The following FAM3B variants were observed in gnomAD, a reference collection of about 807,000 sequenced individuals.
FAM3B encodes FAM3 metabolism regulating signaling molecule B.
In FAM3B, 29 loss-of-function variants were observed where a neutral mutation model predicts 28.4. The observed-to-expected ratio is 1.02, with a 90% CI of 0.76 to 1.39. The LOEUF (loss-of-function observed/expected upper bound fraction) is 1.39. Among genes scored for constraint, FAM3B ranks in the 40% most tolerant of loss-of-function variants. The pLI is 0.00. For missense variants in FAM3B, 266 were observed against 293.9 expected (o/e 0.91, Z 0.69); for synonymous variants, 91 against 103.0 (o/e 0.88, Z 0.71).
chr21:41,310,148 C>G (rs997265813), intron 1 of FAM3B, among the ~76,000 whole-genome samples: 1 of 152,148 alleles, frequency 6.6e-6, no homozygotes, highest in Admixed American at 6.5e-5. Context: ...TCTCTTGGTT[C>G]TCTTGCTCCA....
At chr21:41,356,154 A>C (rs2089165877) in intron 7 of FAM3B, among the ~76,000 whole-genome samples, 1 of 151,910 alleles carries the variant, frequency 6.6e-6, no homozygotes, top group South Asian at 2.1e-4. Flanking sequence ...CTACTAGCTA[A>C]ATTTACATTT....
chr21:41,306,906 C>T (rs2088685748), intron 1 of FAM3B, among the ~76,000 whole-genome samples: 2 of 152,212 alleles, frequency 1.3e-5, no homozygotes, highest in East Asian at 1.9e-4. Flanking sequence ...ACCCCTTCCT[C>T]CTTCCCATTT....
chr21:41,352,472 AG>A (rs1271329993), intron 7 of FAM3B, among the ~76,000 whole-genome samples: 1 of 152,084 alleles, frequency 6.6e-6, no homozygotes, highest in Non-Finnish European at 1.5e-5. Flanking sequence ...AGGGGAGGGA[AG>A]GGAAGGTGCA....
At chr21:41,328,726 C>T (rs941385997) in intron 2 of FAM3B, among the ~76,000 whole-genome samples, 1 of 152,096 alleles carries the variant, frequency 6.6e-6, no homozygotes, top group Admixed American at 6.5e-5. Context: ...GGGAGTGGGG[C>T]TAGGTGGTAT....
At chr21:41,332,151 C>T (rs544891127) in intron 2 of FAM3B, among the ~76,000 whole-genome samples, 7 of 152,270 alleles carry the variant, frequency 4.6e-5, no homozygotes, top group South Asian at 4.1e-4. Flanking sequence ...CTCCCCCTGC[C>T]GCTCTATCTC....
At chr21:41,312,090 C>T (rs891188894), upstream of FAM3B, among the ~76,000 whole-genome samples, 1 of 152,176 alleles carries the variant, frequency 6.6e-6, no homozygotes, top group African/African-American at 2.4e-5. Flanking sequence ...TCACTAGACC[C>T]CTCCCACAAC....
At chr21:41,325,504 T>C (rs1157492041) in intron 2 of FAM3B, among the ~76,000 whole-genome samples, 2 of 152,220 alleles carry the variant, frequency 1.3e-5, no homozygotes, top group African/African-American at 4.8e-5. Flanking sequence ...AATGAGATCA[T>C]AGTTCCCAAA....
chr21:41,342,521 A>G (rs1301403709), intron 3 of FAM3B, among the ~76,000 whole-genome samples: 1 of 152,110 alleles, frequency 6.6e-6, no homozygotes, highest in African/African-American at 2.4e-5. Flanking sequence ...TGTATTTTCC[A>G]TTTGTTTACC....
chr21:41,304,619 G>T (rs565096838), intron 1 of FAM3B, among the ~76,000 whole-genome samples: 183 of 152,356 alleles, frequency 1.2e-3, no homozygotes, highest in Non-Finnish European at 1.8e-3. Flanking sequence ...AGGCCTCCTG[G>T]CTTGCCCCGG....
chr21:41,338,538 C>G (rs1198862487), intron 3 of FAM3B, 37 bp downstream of exon 3: 1 of 1,610,908 alleles, frequency 6.2e-7, no homozygotes, highest in African/African-American at 1.3e-5. Flanking sequence ...TAAAGCGATC[C>G]TACTGATTCT....
At position 41,348,155 on chromosome 21, in the gene FAM3B, C is replaced by T. The variant is rs2089081306; in HGVS notation, c.486-437C>T. On this transcript the variant is annotated intron_variant, in intron 6 of 7. Transcript: ENST00000357985. ...CAGTATTGTTTTACATTTCTTTTTC[C>T]TTTTTGATGTGGACTTTTCTGATTA... Among the ~76,000 whole-genome samples the T allele has an allele frequency of 2.6e-5, 4 of 152,056 alleles. No individual in the cohort carries two copies. The South Asian group carries it at 8.3e-4, about 32-fold the overall frequency.
At chr21:41,332,185 G>T (rs1354453303) in intron 2 of FAM3B, among the ~76,000 whole-genome samples, 1 of 152,146 alleles carries the variant, frequency 6.6e-6, no homozygotes. Context: ...TTCACCATGT[G>T]ACATGCCTGC....
At chr21:41,310,788 C>T (rs1048835203) in intron 1 of FAM3B, among the ~76,000 whole-genome samples, 1 of 152,198 alleles carries the variant, frequency 6.6e-6, no homozygotes, top group Non-Finnish European at 1.5e-5. Context: ...AGCCTGGCTG[C>T]TCCCAGCCCT....
chr21:41,311,251 A>AT (rs1171631523), intron 1 of FAM3B, among the ~76,000 whole-genome samples: 44 of 35,026 alleles, frequency 1.3e-3, no homozygotes, highest in South Asian at 3.0e-3. Flanking sequence ...AAAAAAAAAA[A>AT]ATATATATAT....
chr21:41,332,453 C>T (rs2088914629), intron 2 of FAM3B, among the ~76,000 whole-genome samples: 2 of 152,126 alleles, frequency 1.3e-5, no homozygotes, highest in African/African-American at 4.8e-5. Context: ...TTGGCATCTA[C>T]GTTCATCCGG....
At chr21:41,309,263 G>C (rs1251439603) in intron 1 of FAM3B, among the ~76,000 whole-genome samples, 1 of 152,196 alleles carries the variant, frequency 6.6e-6, no homozygotes, top group Non-Finnish European at 1.5e-5. Flanking sequence ...TCCAACTGGA[G>C]TCTCCTTTTC....
chr21:41,324,074 A>G (rs1307379607), intron 2 of FAM3B, among the ~76,000 whole-genome samples: 1 of 152,122 alleles, frequency 6.6e-6, no homozygotes, highest in Non-Finnish European at 1.5e-5. Flanking sequence ...CCCATTCCTG[A>G]AGGCTTCATC....
intron 2 of FAM3B, among the ~76,000 whole-genome samples, chr21:41,337,849 ATG>A (rs1261606554): frequency 6.6e-6 from 1 of 151,226 alleles, no homozygotes; most frequent in Non-Finnish European, 1.5e-5. Context: ...GTGTGCATGA[ATG>A]TGTGGTGTGG....
intron 5 of FAM3B, chr21:41,345,951 C>A: frequency 2.3e-6 from 1 of 438,270 alleles, no homozygotes; most frequent in Non-Finnish European, 4.1e-6. Flanking sequence ...GTCTTTTCTT[C>A]TGTTAGTTTT....
Sources: gnomAD v4.1 joint callset for allele counts (sites outside exome capture counted in the v4.1 genomes callset) on GRCh38, gnomAD v4.1.1 for gene constraint, MANE v1.5 for transcripts, NCBI Gene and HGNC (gene_info 2026-07-23, HGNC 2026-07-21) for gene names.